Variants in PNKD observed in about 807,000 individuals in gnomAD.
The protein encoded by PNKD is probable thioesterase PNKD.
A neutral mutation model predicts 45.3 loss-of-function variants in PNKD; 36 were observed. The observed-to-expected ratio is 0.80, with a 90% CI of 0.61 to 1.05. The LOEUF is 1.05. PNKD is among the 50% of genes least tolerant of loss of function. The probability of loss-of-function intolerance (pLI) is 0.00; values close to 1 mark genes in which losing one functional copy is unlikely to be tolerated. For missense variants in PNKD, 511 were observed against 506.6 expected (o/e 1.01, Z -0.08); for synonymous variants, 197 against 210.1 (o/e 0.94, Z 0.54).
chr2:218,343,641 A>T, intron 8 of PNKD, 55 bp downstream of exon 8: 1 of 1,357,642 alleles, frequency 7.4e-7, no homozygotes, highest in Non-Finnish European at 1.0e-6. Context: ...AGCCTGGGAC[A>T]AGGGCCTTCC....
At chr2:218,277,701 A>C in intron 2 of PNKD, 1 of 1,613,892 alleles carries the variant, frequency 6.2e-7, no homozygotes, top group Non-Finnish European at 8.5e-7. Flanking sequence ...AGAATGAAAC[A>C]CTTAAAAAGG....
At chr2:218,284,607 G>A (rs573373515) in intron 2 of PNKD, among the ~76,000 whole-genome samples, 3 of 152,336 alleles carry the variant, frequency 2.0e-5, no homozygotes, top group South Asian at 2.1e-4. Context: ...GCATGTGCTA[G>A]TAGGCCTGCC....
chr2:218,305,862 C>T (rs1299977482), intron 2 of PNKD, among the ~76,000 whole-genome samples: 1 of 152,114 alleles, frequency 6.6e-6, no homozygotes, highest in East Asian at 1.9e-4. Context: ...TATTTTTAGC[C>T]TTAAAGAAAC....
chr2:218,323,310 G>T (rs779248698), intron 2 of PNKD: 2 of 1,560,496 alleles, frequency 1.3e-6, no homozygotes, highest in East Asian at 2.5e-5. Flanking sequence ...GTGGGTCGCC[G>T]GCTGCTGGCT....
chr2:218,272,944 G>GGAACCAGGTCT, intron 2 of PNKD: 1 of 1,465,796 alleles, frequency 6.8e-7, no homozygotes, highest in East Asian at 2.5e-5. Context: ...TTAGTAGAAA[G>GGAACCAGGTCT]GAACCAGGTC....
At chr2:218,308,750 C>T (rs1208062535) in intron 2 of PNKD, among the ~76,000 whole-genome samples, 1 of 151,860 alleles carries the variant, frequency 6.6e-6, no homozygotes, top group Non-Finnish European at 1.5e-5. Context: ...CACCCCTCAG[C>T]TAATTTTTGT....
At chr2:218,272,257 G>A (rs1488527631) in intron 2 of PNKD, among the ~76,000 whole-genome samples, 4 of 150,054 alleles carry the variant, frequency 2.7e-5, no homozygotes, top group African/African-American at 5.1e-5. Context: ...TGCTGTTGCA[G>A]GAATGCAGGG....
rs185771318 is a variant in PNKD at position 218,299,161 on chromosome 2, G to A, written c.236+27612G>A. Among the ~76,000 whole-genome samples the A allele has an allele frequency of 3.0e-4, 45 of 150,814 alleles. 3 individuals carry two copies. Among genetic ancestry groups the A allele is most frequent in the East Asian group, 1.9e-3 (10 of 5,140 alleles). ...TTTATTTATTTTGAGACTGAGTTTC[G>A]CTTTTGTCACCCAGCCTAGAGTGCA... On this transcript the variant is annotated intron_variant, in intron 2 of 9. Coordinates refer to ENST00000273077, the MANE Select transcript of PNKD (RefSeq NM_015488.5).
At chr2:218,330,367 G>A (rs1014155568) in intron 2 of PNKD, among the ~76,000 whole-genome samples, 6 of 152,204 alleles carry the variant, frequency 3.9e-5, no homozygotes, top group Non-Finnish European at 8.8e-5. Flanking sequence ...GTGTGCCAGA[G>A]GGAGGGGCGT....
chr2:218,334,181 C>T (rs958979399), intron 2 of PNKD, among the ~76,000 whole-genome samples: 8 of 151,968 alleles, frequency 5.3e-5, no homozygotes, highest in Non-Finnish European at 1.0e-4. Flanking sequence ...TAGTATATAG[C>T]ATTCCCATAT....
At chr2:218,308,732 G>A (rs976569230) in intron 2 of PNKD, among the ~76,000 whole-genome samples, 1 of 151,724 alleles carries the variant, frequency 6.6e-6, no homozygotes, top group Admixed American at 6.6e-5. Flanking sequence ...GATTACAGGA[G>A]CTGCCACCAC....
At chr2:218,290,316 T>C (rs1201745645) in intron 2 of PNKD, among the ~76,000 whole-genome samples, 2 of 152,222 alleles carry the variant, frequency 1.3e-5, no homozygotes, top group African/African-American at 2.4e-5. Context: ...GAGCCACTTT[T>C]ATCGAGGCAA....
At chr2:218,313,986 A>G (rs1158767170) in intron 2 of PNKD, among the ~76,000 whole-genome samples, 1 of 143,240 alleles carries the variant, frequency 7.0e-6, no homozygotes, top group Admixed American at 7.5e-5. Flanking sequence ...CAGTGGCGCA[A>G]TCTCAGCTCA....
At chr2:218,278,331 A>T in intron 2 of PNKD, 1 of 647,320 alleles carries the variant, frequency 1.5e-6, no homozygotes, top group Non-Finnish European at 2.7e-6. Flanking sequence ...AGTGACAGCT[A>T]GTTAGCTCCT....
intron 2 of PNKD, among the ~76,000 whole-genome samples, chr2:218,307,722 T>C (rs1693460437): frequency 6.6e-6 from 1 of 152,102 alleles, no homozygotes; most frequent in Non-Finnish European, 1.5e-5. Context: ...TGTGGACATT[T>C]CTCCTTTGAA....
chr2:218,295,808 A>G (rs1431847289), intron 2 of PNKD, among the ~76,000 whole-genome samples: 1 of 150,792 alleles, frequency 6.6e-6, no homozygotes, highest in African/African-American at 2.4e-5. Flanking sequence ...ATAAAGATGC[A>G]AGGCAACCAG....
intron 2 of PNKD, among the ~76,000 whole-genome samples, chr2:218,334,278 G>A (rs1291296587): frequency 6.6e-6 from 1 of 151,828 alleles, no homozygotes; most frequent in Non-Finnish European, 1.5e-5. Context: ...ATCCTATGAA[G>A]TATTCTCAGA....
At chr2:218,298,583 T>C (rs1047485665) in intron 2 of PNKD, among the ~76,000 whole-genome samples, 1 of 152,210 alleles carries the variant, frequency 6.6e-6, no homozygotes, top group Admixed American at 6.5e-5. Flanking sequence ...TTGTTATTGT[T>C]GTTTGTGAGA....
chr2:218,337,645 G>A (rs1225999775), intron 2 of PNKD, among the ~76,000 whole-genome samples: 1 of 152,200 alleles, frequency 6.6e-6, no homozygotes. Context: ...AGTCATAGGT[G>A]TGCACTCGCC....
Sources: allele counts gnomAD v4.1 joint callset (sites outside exome capture counted in the v4.1 genomes callset), GRCh38; gene constraint gnomAD v4.1.1; transcripts MANE v1.5; gene names NCBI Gene and HGNC (gene_info 2026-07-23, HGNC 2026-07-21).